Variants in SNX29 observed in about 807,000 individuals in gnomAD.
The protein encoded by SNX29 is sorting nexin 29.
SNX29 carries 78 observed loss-of-function variants against 102.1 expected under a neutral mutation model. The observed-to-expected ratio is 0.76, with a 90% CI of 0.64 to 0.92. The LOEUF is 0.92. SNX29 is among the 40% of genes least tolerant of loss of function. The pLI is 0.00. For synonymous variants in SNX29, 580 were observed against 414.5 expected, an observed-to-expected ratio of 1.40 and a Z score of -4.85; for missense variants, 1,280 against 1,061.7, an observed-to-expected ratio of 1.21 and a Z score of -2.86.
chr16:12,446,304 C>T (rs539098219), intron 18 of SNX29, among the ~76,000 whole-genome samples: 38 of 152,206 alleles, frequency 2.5e-4, no homozygotes, highest in Non-Finnish European at 4.1e-4. Flanking sequence ...GATCCACCCG[C>T]CTTGGCCTCC....
At chr16:12,203,781 T>A (rs7194008) in intron 14 of SNX29, among the ~76,000 whole-genome samples, 5,268 of 152,298 alleles carry the variant, frequency 0.035, 313 homozygotes, top group African/African-American at 0.12. Context: ...TTGCTCTGTG[T>A]ACTGAAGAAG....
At chr16:12,194,719 C>G (rs926294471) in intron 13 of SNX29, among the ~76,000 whole-genome samples, 4 of 151,048 alleles carry the variant, frequency 2.6e-5, no homozygotes, top group African/African-American at 9.7e-5. Flanking sequence ...CTCCGCCTCC[C>G]AGGTTCAAGC....
At chr16:12,069,955 G>GGTGTGA (rs1555454249) in intron 10 of SNX29, among the ~76,000 whole-genome samples, 1 of 151,702 alleles carries the variant, frequency 6.6e-6, no homozygotes, top group Non-Finnish European at 1.5e-5. Flanking sequence ...TGGGATTACA[G>GGTGTGA]GCCACCGTGC....
intron 16 of SNX29, among the ~76,000 whole-genome samples, chr16:12,366,555 C>A (rs1003953441): frequency 1.3e-5 from 2 of 152,126 alleles, no homozygotes; most frequent in African/African-American, 4.8e-5. Flanking sequence ...AGTGGGCCTG[C>A]CTGTGTTTAG....
At chr16:12,112,628 G>A (rs911115589) in intron 11 of SNX29, among the ~76,000 whole-genome samples, 17 of 152,226 alleles carry the variant, frequency 1.1e-4, no homozygotes, top group African/African-American at 4.1e-4. Flanking sequence ...GCTTTGTCTC[G>A]TGAGGTCCAG....
chr16:12,298,603 A>G (rs1283235973), intron 15 of SNX29, among the ~76,000 whole-genome samples: 2 of 151,384 alleles, frequency 1.3e-5, no homozygotes, highest in Non-Finnish European at 2.9e-5. Context: ...TGGCCCTTAA[A>G]TATATATGCA....
chr16:12,385,730 G>C (rs562445624), intron 16 of SNX29, among the ~76,000 whole-genome samples: 1 of 152,316 alleles, frequency 6.6e-6, no homozygotes, highest in South Asian at 2.1e-4. Context: ...ACAATAATAG[G>C]CATAGAGTGA....
intron 20 of SNX29, among the ~76,000 whole-genome samples, chr16:12,540,853 T>C (rs1235499807): frequency 6.6e-6 from 1 of 152,192 alleles, no homozygotes; most frequent in Admixed American, 6.5e-5. Flanking sequence ...CCACCCTTTC[T>C]GAGCAGGAGT....
chr16:11,979,618 C>T (rs1392072706), intron 1 of SNX29, among the ~76,000 whole-genome samples: 1 of 152,154 alleles, frequency 6.6e-6, no homozygotes, highest in Admixed American at 6.6e-5. Context: ...GAGTCACGCT[C>T]TGTCACCCAG....
At chr16:12,063,439 A>G (rs1201527237) in intron 9 of SNX29, among the ~76,000 whole-genome samples, 1 of 124,522 alleles carries the variant, frequency 8.0e-6, no homozygotes, top group Non-Finnish European at 1.6e-5. Flanking sequence ...CAATGGCATG[A>G]TCTTGGCTCA....
Position 12,455,420 on chromosome 16 carries a change from G to T in SNX29, c.2038-22299G>T, listed in dbSNP as rs941223329. Among the ~76,000 whole-genome samples the T allele has an allele frequency of 4.6e-5, 7 of 152,122 alleles. No individual in the cohort carries two copies. The South Asian group carries it at 6.2e-4, about 13-fold the overall frequency. ...CATACCGGCTTGGCCAGCACCCGCC[G>T]TGGCTGTAACTGACCTCTAGGTGGC... On this transcript the variant is annotated intron_variant, in intron 18 of 20. Coordinates refer to ENST00000566228, the MANE Select transcript of SNX29 (RefSeq NM_032167.5).
intron 13 of SNX29, among the ~76,000 whole-genome samples, chr16:12,181,406 G>A (rs1226520176): frequency 1.3e-5 from 2 of 152,170 alleles, no homozygotes; most frequent in East Asian, 1.9e-4. Flanking sequence ...GGGCTTCCAG[G>A]TCCTAGGTAG....
chr16:12,478,514 T>G (rs1025205269), intron 19 of SNX29, among the ~76,000 whole-genome samples: 1 of 152,250 alleles, frequency 6.6e-6, no homozygotes. Flanking sequence ...GCTAGCCCTC[T>G]GCAAGCTCAT....
At chr16:12,053,670 T>G (rs973205847) in intron 8 of SNX29, among the ~76,000 whole-genome samples, 9 of 152,152 alleles carry the variant, frequency 5.9e-5, no homozygotes, top group Middle Eastern at 3.4e-3. Flanking sequence ...TAGGGTTTTT[T>G]TTTTTTTTCT....
At chr16:12,426,304 A>T (rs1356374379) in intron 18 of SNX29, among the ~76,000 whole-genome samples, 2 of 152,180 alleles carry the variant, frequency 1.3e-5, no homozygotes, top group Non-Finnish European at 2.9e-5. Flanking sequence ...AAGAAGCAAC[A>T]GCCTTTAGCC....
chr16:12,389,523 C>T (rs1597199599), intron 16 of SNX29, among the ~76,000 whole-genome samples: 1 of 152,144 alleles, frequency 6.6e-6, no homozygotes, highest in South Asian at 2.1e-4. Flanking sequence ...ATTGTGAGGC[C>T]TCCCTGGCCA....
intron 14 of SNX29, among the ~76,000 whole-genome samples, chr16:12,248,008 G>A (rs907488943): frequency 6.6e-6 from 1 of 152,086 alleles, no homozygotes; most frequent in African/African-American, 2.4e-5. Flanking sequence ...ACCTCCCCAG[G>A]CCCACCGTAA....
chr16:12,116,922 G>T (rs112715537), intron 11 of SNX29, among the ~76,000 whole-genome samples: 2 of 151,824 alleles, frequency 1.3e-5, no homozygotes, highest in African/African-American at 4.8e-5. Flanking sequence ...CGGTCAATAC[G>T]TGCTTCAACG....
intron 3 of SNX29, among the ~76,000 whole-genome samples, chr16:12,007,967 G>A (rs139350679): frequency 1.6e-4 from 24 of 152,098 alleles, no homozygotes; most frequent in African/African-American, 5.5e-4. Flanking sequence ...TTTTTGAGAT[G>A]GAGTCTCGCT....
Sources: allele counts gnomAD v4.1 joint callset (sites outside exome capture counted in the v4.1 genomes callset), GRCh38; gene constraint gnomAD v4.1.1; transcripts MANE v1.5; gene names NCBI Gene and HGNC (gene_info 2026-07-23, HGNC 2026-07-21).